The following NFIB variants were observed in gnomAD, a reference collection of about 807,000 sequenced individuals.
NFIB encodes nuclear factor 1 B-type.
NFIB carries 11 observed loss-of-function variants against 61.5 expected under a neutral mutation model. The observed-to-expected ratio is 0.18, with a 90% CI of 0.11 to 0.30. The LOEUF is 0.30. Ranked by LOEUF, NFIB falls within the 10% of genes least tolerant of loss-of-function variation. NFIB has a pLI of 1.00. For missense variants in NFIB, 471 were observed against 608.9 expected (o/e 0.77, Z 2.38); for synonymous variants, 260 against 216.5 (o/e 1.20, Z -1.76).
intron 2 of NFIB, among the ~76,000 whole-genome samples, chr9:14,192,816 G>GT (rs573830577): frequency 6.6e-5 from 10 of 152,028 alleles, no homozygotes; most frequent in Admixed American, 3.3e-4. Context: ...TAACATTACT[G>GT]TAACTGGCCT....
At chr9:14,363,546 A>T (rs1390825817) in intron 1 of NFIB, among the ~76,000 whole-genome samples, 1 of 151,290 alleles carries the variant, frequency 6.6e-6, no homozygotes, top group Non-Finnish European at 1.5e-5. Flanking sequence ...CAGCCATAGA[A>T]ACATTTATTT....
intron 2 of NFIB, among the ~76,000 whole-genome samples, chr9:14,214,406 A>T (rs779202745): frequency 3.3e-5 from 5 of 152,212 alleles, no homozygotes; most frequent in African/African-American, 4.8e-5. Flanking sequence ...AGAGGCCCAC[A>T]CATTAGGGAG....
At chr9:14,298,836 C>T (rs576164786) in intron 2 of NFIB, among the ~76,000 whole-genome samples, 32 of 152,294 alleles carry the variant, frequency 2.1e-4, no homozygotes, top group Admixed American at 1.7e-3. Context: ...TAAGTTACAG[C>T]GCAAATGAAT....
the NFIB span, among the ~76,000 whole-genome samples, chr9:14,519,623 G>T: frequency 6.6e-6 from 1 of 152,116 alleles, no homozygotes; most frequent in African/African-American, 2.4e-5. Context: ...ACTGCGGTGC[G>T]TTGTGCTTAT....
the NFIB span, among the ~76,000 whole-genome samples, chr9:14,505,447 T>A: frequency 6.6e-6 from 1 of 152,172 alleles, no homozygotes; most frequent in Non-Finnish European, 1.5e-5. Context: ...CTGGAGCCTT[T>A]TCCAAGGATG....
At chr9:14,519,782 A>G in the NFIB span, among the ~76,000 whole-genome samples, 1 of 152,236 alleles carries the variant, frequency 6.6e-6, no homozygotes, top group Non-Finnish European at 1.5e-5. Flanking sequence ...AAACTGAGTC[A>G]CAGAAATGTT....
At chr9:14,093,642 CTAATT>C (rs1239336791) in intron 10 of NFIB, among the ~76,000 whole-genome samples, 1 of 152,100 alleles carries the variant, frequency 6.6e-6, no homozygotes, top group Non-Finnish European at 1.5e-5. Flanking sequence ...GCTAAACACT[CTAATT>C]TTATTGGCAA....
intron 1 of NFIB, among the ~76,000 whole-genome samples, chr9:14,377,740 T>TAG (rs2061436560): frequency 6.6e-6 from 1 of 152,216 alleles, no homozygotes; most frequent in African/African-American, 2.4e-5. Context: ...ACCTAATAGC[T>TAG]AGCTGTGCCC....
Position 14,146,672 on chromosome 9 carries a change from A to G in NFIB, c.925+17T>C. The G allele has an allele frequency of 6.2e-7, 1 of 1,612,926 alleles. No individual in the cohort carries two copies. Among genetic ancestry groups the G allele is most frequent in the Non-Finnish European group, 8.5e-7 (1 of 1,179,322 alleles). On this transcript the variant is annotated intron_variant, in intron 6 of 10. Transcript: ENST00000380953. ...CATTTTACTCATGGTCTCTAGAGGC[A>G]TCTCCTTATTACTCACCTTGATCTC...
At chr9:14,170,172 C>T (rs2045409001) in intron 3 of NFIB, among the ~76,000 whole-genome samples, 1 of 152,160 alleles carries the variant, frequency 6.6e-6, no homozygotes, top group Non-Finnish European at 1.5e-5. Flanking sequence ...TTTTAACAAG[C>T]CTAGAGCAAG....
At position 14,084,367 on chromosome 9, in the gene NFIB, G is replaced by A. The variant is rs2032506478; in HGVS notation, c.*3942C>T. 1 of 221,204 alleles carries A rather than the reference G, an allele frequency of 4.5e-6. No homozygotes were observed. The highest frequency in any genetic ancestry group is 2.2e-5 in the African/African-American group (1 of 44,618). 13.7% of individuals were successfully genotyped at this position (221,204 alleles called of 1,614,324 possible). The stretch of plus-strand genomic sequence containing the variant: ...TACAAGGTAGGCGGTTCATTAAGAA[G>A]ACCTTTCGCTCTTCTCGCTACTTGC... On this transcript the variant is annotated 3_prime_UTR_variant, in exon 11 of 11. Transcript: ENST00000380953.
the NFIB span, among the ~76,000 whole-genome samples, chr9:14,423,688 C>G: frequency 6.6e-6 from 1 of 152,156 alleles, no homozygotes; most frequent in Admixed American, 6.5e-5. Flanking sequence ...TTTAGGGAAC[C>G]TATTTGAAGA....
Position 14,182,708 on chromosome 9 carries a change from C to CTCTCTGTG in NFIB, c.563-2929_563-2928insCACAGAGA, listed in dbSNP as rs778914837. Among the ~76,000 whole-genome samples, 95 of 96,992 alleles carry CTCTCTGTG rather than the reference C, an allele frequency of 9.8e-4. 1 individual carries two copies. The highest frequency in any genetic ancestry group is 1.6e-3 in the African/African-American group (36 of 22,752). 63.6% of individuals were successfully genotyped at this position (96,992 alleles called of 152,430 possible). A position where few individuals can be genotyped will look rare whatever the true frequency, so the allele number is the denominator to read the frequency against. ...CCTCTCTCTCTCTCTCTCTCTCTCT[C>CTCTCTGTG]TGTGTGTGTGTGTGTGTGTGTGTGT... On this transcript the variant is annotated intron_variant, in intron 2 of 10. Transcript: ENST00000380953.
At chr9:14,374,910 A>AAAATAAAT (rs541331905) in intron 1 of NFIB, among the ~76,000 whole-genome samples, 2 of 151,970 alleles carry the variant, frequency 1.3e-5, no homozygotes, top group Non-Finnish European at 2.9e-5. Flanking sequence ...ACTCTGTCTC[A>AAAATAAAT]AAATAAATAA....
chr9:14,472,303 C>T, the NFIB span, among the ~76,000 whole-genome samples: 2 of 152,168 alleles, frequency 1.3e-5, no homozygotes, highest in South Asian at 2.1e-4. Context: ...TTCTCAACGA[C>T]CTCTAGCCTG....
chr9:14,241,449 G>A (rs1195218112), intron 2 of NFIB, among the ~76,000 whole-genome samples: 6 of 152,022 alleles, frequency 3.9e-5, no homozygotes, highest in East Asian at 1.9e-4. Context: ...CCTAGGGCAC[G>A]TAAGAATTGG....
intron 2 of NFIB, among the ~76,000 whole-genome samples, chr9:14,254,057 T>C (rs1010362643): frequency 6.6e-6 from 1 of 152,062 alleles, no homozygotes; most frequent in Admixed American, 6.6e-5. Flanking sequence ...ATCCCAGCAC[T>C]TTGGGAGGCT....
the NFIB span, among the ~76,000 whole-genome samples, chr9:14,484,639 T>C: frequency 6.6e-6 from 1 of 152,226 alleles, no homozygotes. Context: ...TGGATGGCCA[T>C]TTGCTTTGCA....
chr9:14,122,042 A>G (rs1009656975), intron 7 of NFIB, among the ~76,000 whole-genome samples: 1 of 152,138 alleles, frequency 6.6e-6, no homozygotes, highest in South Asian at 2.1e-4. Context: ...CCCAATTCAA[A>G]TAATAGGAAA....
Sources: gnomAD v4.1 joint callset for allele counts (sites outside exome capture counted in the v4.1 genomes callset) on GRCh38, gnomAD v4.1.1 for gene constraint, MANE v1.5 for transcripts, NCBI Gene and HGNC (gene_info 2026-07-23, HGNC 2026-07-21) for gene names.